STUM: variants seen among roughly 807,000 people sequenced by gnomAD.
STUM encodes protein stum homolog.
STUM carries 8 observed loss-of-function variants against 15.3 expected under a neutral mutation model. That is an observed-to-expected ratio of 0.52 (90% confidence interval 0.31 to 0.94). The LOEUF (loss-of-function observed/expected upper bound fraction) is 0.94. Ranked by LOEUF, STUM falls within the 40% of genes least tolerant of loss-of-function variation. The pLI is 0.05. For missense variants in STUM, 142 were observed against 204.9 expected (o/e 0.69, Z 1.87); for synonymous variants, 78 against 88.7 (o/e 0.88, Z 0.68).
chr1:226,561,999 G>A (rs1667549039), intron 1 of STUM, among the ~76,000 whole-genome samples: 1 of 151,424 alleles, frequency 6.6e-6, no homozygotes. Context: ...CAGTATGTCG[G>A]GTGGGGGGTG....
chr1:226,596,834 G>A lies in STUM; in HGVS notation c.235G>A (p.Gly79Arg), dbSNP rs760409843. 12 of 1,614,060 alleles carry A rather than the reference G, an allele frequency of 7.4e-6. No individual in the cohort carries two copies. The highest frequency in any genetic ancestry group is 1.7e-5 in the Admixed American group (1 of 60,012). Residue 79 changes from glycine (G) to arginine (R), a missense_variant, in exon 2 of 4, where the codon GGG (glycine) becomes AGG (arginine). Coordinates refer to ENST00000366788, the MANE Select transcript of STUM (RefSeq NM_001003665.4). ...TFVSAFTVLC[G>R]ARTDLPDRHV... ...CGTCTCGGCCTTCACTGTGCTGTGC[G>A]GGGCCCGCACCGACCTCCCGGACAG...
chr1:226,577,826 A>G (rs1362865708), intron 1 of STUM, among the ~76,000 whole-genome samples: 1 of 151,912 alleles, frequency 6.6e-6, no homozygotes, highest in Non-Finnish European at 1.5e-5. Flanking sequence ...TGGTTGTTCT[A>G]TGGGATGAAG....
At chr1:226,588,257 G>A (rs1184952675) in intron 1 of STUM, among the ~76,000 whole-genome samples, 1 of 152,170 alleles carries the variant, frequency 6.6e-6, no homozygotes, top group Non-Finnish European at 1.5e-5. Flanking sequence ...GGAAGACACA[G>A]CCCCTCCGCA....
intron 1 of STUM, among the ~76,000 whole-genome samples, chr1:226,568,641 G>T (rs1261834025): frequency 1.3e-5 from 2 of 152,262 alleles, no homozygotes; most frequent in Non-Finnish European, 2.9e-5. Flanking sequence ...GAACAGCCAG[G>T]TCTGGTGCCT....
intron 2 of STUM, among the ~76,000 whole-genome samples, chr1:226,597,717 G>C (rs1173977864): frequency 6.6e-6 from 1 of 152,252 alleles, no homozygotes; most frequent in African/African-American, 2.4e-5. Flanking sequence ...TCAGTGACCA[G>C]TTAGGCCACC....
Position 226,600,893 on chromosome 1 carries a change from G to A in STUM, c.391+219G>A, listed in dbSNP as rs1040453179. 6.6e-6 allele frequency among the ~76,000 whole-genome samples: 1 copy of A among 152,158 alleles called. No homozygotes were observed. The highest frequency in any genetic ancestry group is 1.5e-5 in the Non-Finnish European group (1 of 68,028). ...CCTAATGCCCACACCAGCCTCAACTGCTATCAATTCATGGCCAGCCTCCTT... is the reference window on the plus strand; with the variant it reads ...CCTAATGCCCACACCAGCCTCAACTACTATCAATTCATGGCCAGCCTCCTT... On this transcript the variant is annotated intron_variant, in intron 3 of 3. Transcript: ENST00000366788. The surrounding 1 kb of genome is among the most constrained non-coding windows in gnomAD (Gnocchi z 5.2).
Position 226,602,325 on chromosome 1 carries a change from C to T in STUM, c.*285C>T, listed in dbSNP as rs970742954. 148 of 456,880 alleles carry T rather than the reference C, an allele frequency of 3.2e-4. No individual in the cohort carries two copies. Among genetic ancestry groups the T allele is most frequent in the Non-Finnish European group, 5.5e-4 (138 of 250,986 alleles). 28.3% of individuals were successfully genotyped at this position (456,880 alleles called of 1,614,324 possible). ...CGCCCACAGAGAGGCTGGGATGCTC[C>T]GGCAGGCTCCAACTGGCCTTGCTGT... On this transcript the variant is annotated 3_prime_UTR_variant, in exon 4 of 4. Coordinates refer to ENST00000366788, the MANE Select transcript of STUM (RefSeq NM_001003665.4).
At position 226,552,412 on chromosome 1, in the gene STUM, G is replaced by T. The variant is rs1378830948; in HGVS notation, c.202+3306G>T. On this transcript the variant is annotated intron_variant, in intron 1 of 3. Coordinates refer to ENST00000366788, the MANE Select transcript of STUM (RefSeq NM_001003665.4). The surrounding 1 kb of genome is among the most constrained non-coding windows in gnomAD (Gnocchi z 4.7). ...GGTACCTTCATGTTCCAACAATTAG[G>T]GTGTTTATAAGTATATACACGATTA... Among the ~76,000 whole-genome samples, 6 of 152,008 alleles carry T rather than the reference G, an allele frequency of 3.9e-5. No individual in the cohort carries two copies. The highest frequency in any genetic ancestry group is 8.8e-5 in the Non-Finnish European group (6 of 68,006).
Position 226,606,867 on chromosome 1 carries a change from G to C in STUM, c.*4827G>C, listed in dbSNP as rs1347160931. The stretch of plus-strand genomic sequence containing the variant: ...GTCCTCACCAGGGGGACACCTCCCT[G>C]CTTTGCATTAACTCATCAGCAAGCT... On this transcript the variant is annotated 3_prime_UTR_variant, in exon 4 of 4. Coordinates refer to ENST00000366788, the MANE Select transcript of STUM (RefSeq NM_001003665.4). 1 of 152,284 alleles carries C rather than the reference G, an allele frequency of 6.6e-6. No homozygotes were observed. Among genetic ancestry groups the C allele is most frequent in the South Asian group, 2.1e-4 (1 of 4,832 alleles). 9.4% of individuals were successfully genotyped at this position (152,284 alleles called of 1,614,324 possible).
At chr1:226,554,735 C>T (rs1303768219) in intron 1 of STUM, among the ~76,000 whole-genome samples, 9 of 152,214 alleles carry the variant, frequency 5.9e-5, no homozygotes, top group Admixed American at 5.9e-4. Context: ...CAGCAGCACA[C>T]ATCCATGCTG....
At chr1:226,570,131 C>A (rs943496877) in intron 1 of STUM, among the ~76,000 whole-genome samples, 1 of 152,122 alleles carries the variant, frequency 6.6e-6, no homozygotes, top group African/African-American at 2.4e-5. Flanking sequence ...TGGAGTGATG[C>A]CCTCCTTTCT....
intron 1 of STUM, among the ~76,000 whole-genome samples, chr1:226,579,411 T>A (rs1558283254): frequency 6.6e-6 from 1 of 152,156 alleles, no homozygotes; most frequent in Admixed American, 6.5e-5. Flanking sequence ...TCAGCAAAAT[T>A]TACTTGGTCC....
chr1:226,556,421 G>C (rs2102686087), intron 1 of STUM, among the ~76,000 whole-genome samples: 1 of 152,344 alleles, frequency 6.6e-6, no homozygotes, highest in Non-Finnish European at 1.5e-5. Context: ...TGCTTTAATG[G>C]AGGAAAGGAT....
In STUM at chr1:226,606,892, T is replaced by A. The variant is rs1316803931; in HGVS notation, c.*4852T>A. The A allele has an allele frequency of 6.6e-6, 1 of 152,262 alleles. No homozygotes were observed. Among genetic ancestry groups the A allele is most frequent in the Non-Finnish European group, 1.5e-5 (1 of 68,096 alleles). 9.4% of individuals were successfully genotyped at this position (152,262 alleles called of 1,614,324 possible). ...GCTTTGCATTAACTCATCAGCAAGC[T>A]CATCGAGAGCTAACGTGGGCCCAGC... On this transcript the variant is annotated 3_prime_UTR_variant, in exon 4 of 4. Transcript: ENST00000366788.
intron 1 of STUM, among the ~76,000 whole-genome samples, chr1:226,590,184 A>AG (rs2102707462): frequency 6.6e-6 from 1 of 151,002 alleles, no homozygotes; most frequent in South Asian, 2.1e-4. Flanking sequence ...CCCTCCCGGC[A>AG]GCTTCTCCTC....
chr1:226,551,135 T>G (rs139457894), intron 1 of STUM, among the ~76,000 whole-genome samples: 54 of 152,248 alleles, frequency 3.5e-4, no homozygotes, highest in African/African-American at 1.3e-3. Context: ...CACAGGCTCC[T>G]GCTCCTCTCC....
At chr1:226,568,528 C>T (rs555074766) in intron 1 of STUM, among the ~76,000 whole-genome samples, 1 of 152,254 alleles carries the variant, frequency 6.6e-6, no homozygotes, top group Admixed American at 6.5e-5. Context: ...CTTCCTTCAA[C>T]ACACATTTAA....
intron 1 of STUM, among the ~76,000 whole-genome samples, chr1:226,579,903 C>A (rs9651014): frequency 2.0e-5 from 3 of 152,184 alleles, no homozygotes; most frequent in African/African-American, 7.2e-5. Flanking sequence ...AGATTACAGG[C>A]GTGAGCCACC....
intron 1 of STUM, among the ~76,000 whole-genome samples, chr1:226,570,576 T>C (rs1667690597): frequency 6.6e-6 from 1 of 152,156 alleles, no homozygotes; most frequent in Admixed American, 6.5e-5. Flanking sequence ...CCAAGCCACC[T>C]CCCTCCACCT....
Sources: allele counts gnomAD v4.1 joint callset (sites outside exome capture counted in the v4.1 genomes callset), GRCh38; gene constraint gnomAD v4.1.1; non-coding constraint Gnocchi (gnomAD v3.1); transcripts MANE v1.5; gene names NCBI Gene and HGNC (gene_info 2026-07-23, HGNC 2026-07-21).